Variants in CCNY observed in about 807,000 individuals in gnomAD.
CCNY encodes cyclin Y.
In CCNY, 19 loss-of-function variants were observed where a neutral mutation model predicts 42.8. The ratio of observed to expected loss-of-function variants is 0.44; its 90% confidence interval spans 0.31 to 0.65. The LOEUF (loss-of-function observed/expected upper bound fraction) is 0.65, where lower values mean the gene tolerates loss of function less well. CCNY is among the 30% of genes least tolerant of loss of function. The probability of loss-of-function intolerance (pLI) is 0.07; values close to 1 mark genes in which losing one functional copy is unlikely to be tolerated. For synonymous variants in CCNY, 165 were observed against 162.7 expected (o/e 1.01, Z -0.11); for missense variants, 370 against 437.3 (o/e 0.85, Z 1.37).
chr10:35,390,929 T>C (rs1837399834), intron 1 of CCNY, among the ~76,000 whole-genome samples: 1 of 152,172 alleles, frequency 6.6e-6, no homozygotes, highest in Admixed American at 6.5e-5. Context: ...AGGCCAAGTG[T>C]CCAGGAATCC....
intron 1 of CCNY, among the ~76,000 whole-genome samples, chr10:35,475,116 C>T (rs1203848838): frequency 6.6e-6 from 1 of 152,190 alleles, no homozygotes; most frequent in Non-Finnish European, 1.5e-5. Flanking sequence ...GGAGCAAAGC[C>T]TCCAAGAAAT....
At chr10:35,508,761 ATAAT>A (rs1840263925) in intron 3 of CCNY, among the ~76,000 whole-genome samples, 1 of 152,224 alleles carries the variant, frequency 6.6e-6, no homozygotes, top group Non-Finnish European at 1.5e-5. Flanking sequence ...TTATTGATAC[ATAAT>A]TAACATGTAA....
chr10:35,426,235 TCACACACACACACA>T (rs148127192), intron 1 of CCNY, among the ~76,000 whole-genome samples: 5 of 140,836 alleles, frequency 3.6e-5, no homozygotes, highest in Non-Finnish European at 6.3e-5. Context: ...ACATGCCCAT[TCACACACACACACA>T]CACAAACACA....
At chr10:35,357,817 A>G (rs541900490) in intron 1 of CCNY, among the ~76,000 whole-genome samples, 1 of 152,258 alleles carries the variant, frequency 6.6e-6, no homozygotes, top group Admixed American at 6.5e-5. Flanking sequence ...GTCCTTCTGT[A>G]TCTATTAGCA....
chr10:35,464,767 T>G (rs1473681174), intron 1 of CCNY, among the ~76,000 whole-genome samples: 1 of 152,192 alleles, frequency 6.6e-6, no homozygotes, highest in African/African-American at 2.4e-5. Flanking sequence ...CGTGTTTCTC[T>G]TAAGGAACAC....
intron 3 of CCNY, among the ~76,000 whole-genome samples, chr10:35,507,021 A>C (rs1214695388): frequency 6.6e-6 from 1 of 152,206 alleles, no homozygotes; most frequent in Non-Finnish European, 1.5e-5. Flanking sequence ...CTAGCTGGGC[A>C]GGCACTGAGG....
chr10:35,565,429 C>T (rs1163116646), intron 8 of CCNY, among the ~76,000 whole-genome samples: 1 of 152,190 alleles, frequency 6.6e-6, no homozygotes, highest in Admixed American at 6.5e-5. Context: ...GGGGTGCGTG[C>T]TCAAGTGTGG....
At chr10:35,346,022 A>C (rs1348944842) in intron 1 of CCNY, among the ~76,000 whole-genome samples, 1 of 152,198 alleles carries the variant, frequency 6.6e-6, no homozygotes, top group African/African-American at 2.4e-5. Flanking sequence ...ATGCACCCTT[A>C]GGTGTAAGCT....
chr10:35,308,821 G>A (rs999849126), intron 3 of CCNY, among the ~76,000 whole-genome samples: 2 of 152,154 alleles, frequency 1.3e-5, no homozygotes, highest in East Asian at 1.9e-4. Context: ...AGAACAAAAA[G>A]GAAACAGTGA....
intron 3 of CCNY, among the ~76,000 whole-genome samples, chr10:35,511,445 A>G (rs1840323485): frequency 6.6e-6 from 1 of 152,198 alleles, no homozygotes; most frequent in Non-Finnish European, 1.5e-5. Flanking sequence ...AAGCACTGTC[A>G]GCAGAGTGCT....
intron 1 of CCNY, among the ~76,000 whole-genome samples, chr10:35,385,998 C>G (rs2135201149): frequency 6.6e-6 from 1 of 152,082 alleles, no homozygotes; most frequent in African/African-American, 2.4e-5. Context: ...GCTCCTTTGT[C>G]TTTCTGTTTT....
chr10:35,532,394 C>T (rs1840787057), intron 7 of CCNY, among the ~76,000 whole-genome samples: 1 of 152,240 alleles, frequency 6.6e-6, no homozygotes, highest in Non-Finnish European at 1.5e-5. Flanking sequence ...GCAGTTAGCC[C>T]TGGCCGTGCT....
At chr10:35,490,005 C>T (rs1251825385) in intron 2 of CCNY, among the ~76,000 whole-genome samples, 1 of 152,150 alleles carries the variant, frequency 6.6e-6, no homozygotes, top group Non-Finnish European at 1.5e-5. Flanking sequence ...GCTGCCCCAC[C>T]GCATTCTGCA....
chr10:35,376,913 A>G (rs1837065345), intron 1 of CCNY, among the ~76,000 whole-genome samples: 1 of 152,198 alleles, frequency 6.6e-6, no homozygotes, highest in African/African-American at 2.4e-5. Flanking sequence ...GATGGGAGTG[A>G]CTGCTAAAGG....
At chr10:35,335,664 G>A (rs1160056254), upstream of CCNY, among the ~76,000 whole-genome samples, 1 of 152,032 alleles carries the variant, frequency 6.6e-6, no homozygotes, top group South Asian at 2.1e-4. Flanking sequence ...ACCAGCCCGG[G>A]TTACGAAGCG....
At chr10:35,475,515 A>G (rs1839488564) in intron 1 of CCNY, among the ~76,000 whole-genome samples, 1 of 151,948 alleles carries the variant, frequency 6.6e-6, no homozygotes, top group South Asian at 2.1e-4. Context: ...TTTTCAACCC[A>G]GAATTTCATA....
At chr10:35,359,448 T>G (rs926262908) in intron 1 of CCNY, among the ~76,000 whole-genome samples, 4 of 152,178 alleles carry the variant, frequency 2.6e-5, no homozygotes, top group African/African-American at 9.7e-5. Context: ...AAAAACAAAT[T>G]TGTGGTATAA....
intron 3 of CCNY, among the ~76,000 whole-genome samples, chr10:35,502,420 T>A (rs146440065): frequency 2.6e-5 from 4 of 152,254 alleles, no homozygotes; most frequent in African/African-American, 9.6e-5. Context: ...CCTAAAGCTG[T>A]GTATTAAAGA....
chr10:35,428,351 G>A (rs1838314229), intron 1 of CCNY, among the ~76,000 whole-genome samples: 2 of 152,180 alleles, frequency 1.3e-5, no homozygotes, highest in African/African-American at 4.8e-5. Flanking sequence ...GTGGTTGGGT[G>A]TATAGTGGTG....
Sources: allele counts gnomAD v4.1 joint callset (sites outside exome capture counted in the v4.1 genomes callset), GRCh38; gene constraint gnomAD v4.1.1; transcripts MANE v1.5; gene names NCBI Gene and HGNC (gene_info 2026-07-23, HGNC 2026-07-21).